The following BHMT variants were observed in gnomAD, a reference collection of about 807,000 sequenced individuals.
The protein encoded by BHMT is betaine--homocysteine S-methyltransferase 1.
In BHMT, 38 loss-of-function variants were observed where a neutral mutation model predicts 49.5. The ratio of observed to expected loss-of-function variants is 0.77; its 90% CI spans 0.59 to 1.01. BHMT has a LOEUF of 1.01. Ranked by LOEUF, BHMT falls within the 50% of genes least tolerant of loss-of-function variation. The probability of loss-of-function intolerance (pLI) is 0.00; values close to 1 mark genes in which losing one functional copy is unlikely to be tolerated. For synonymous variants in BHMT, 166 were observed against 176.3 expected (o/e 0.94, Z 0.46); for missense variants, 426 against 495.7 (o/e 0.86, Z 1.34).
In BHMT at chr5:79,121,239, G is replaced by C; in HGVS notation, c.499G>C (p.Ala167Pro). 1 of 1,614,100 alleles carries C rather than the reference G, an allele frequency of 6.2e-7. No homozygotes were observed. The highest frequency in any genetic ancestry group is 8.5e-7 in the Non-Finnish European group (1 of 1,179,982). The part of the protein sequence containing the change: ...IAEYFEHVEE[A>P]VWAVETLIAS... ...CCAGTATTTTGAACACGTTGAAGAA[G>C]CTGTGTGGGCAGTTGAAACCTTGAT... The change falls in exon 5 of 8, where the codon GCT becomes CCT. Residue 167 changes from alanine (A) to proline (P), a missense_variant. Transcript: ENST00000274353.
rs909058892 is a variant in BHMT, at chr5:79,131,444, G to A, written c.*328G>A. Reference sequence around the variant, plus strand: ...TTGAAGAAGTTGGTAGGCTAGCAAAGAGGATGAGACATGAACTGTCATAAA... The same window carrying A: ...TTGAAGAAGTTGGTAGGCTAGCAAAAAGGATGAGACATGAACTGTCATAAA... On this transcript the variant is annotated 3_prime_UTR_variant, in exon 8 of 8. Transcript: ENST00000274353. 1 of 202,508 alleles carries A rather than the reference G, an allele frequency of 4.9e-6. No homozygotes were observed. The highest frequency in any genetic ancestry group is 2.3e-5 in the African/African-American group (1 of 43,060). The allele number at this position is 202,508 out of a possible 1,614,324, so 12.5% of individuals were successfully genotyped here.
Position 79,111,929 on chromosome 5 carries a change from A to G in BHMT, c.33+11A>G, listed in dbSNP as rs1287077942. 21 of 1,590,672 alleles carry G rather than the reference A, an allele frequency of 1.3e-5. No homozygotes were observed. The highest frequency in any genetic ancestry group is 1.7e-5 in the Non-Finnish European group (20 of 1,168,870). On this transcript the variant is annotated intron_variant, in intron 1 of 7. Coordinates refer to ENST00000274353, the MANE Select transcript of BHMT (RefSeq NM_001713.3). ...AAAAAGGCCAAGAAGGTGAGTCTCC[A>G]GGGGACCCGAGGGCGCTCTCCTTCC...
chr5:79,126,141 A>G lies in BHMT; in HGVS notation c.721A>G (p.Lys241Glu). Residue 241 changes from lysine to glutamate, a missense_variant, in exon 6 of 8, where the codon AAA becomes GAA. Lys to Glu is a moderately conservative substitution (Grantham distance 56). Coordinates refer to ENST00000274353, the MANE Select transcript of BHMT (RefSeq NM_001713.3). The part of the protein sequence containing the change: ...MKEGLEAARL[K>E]AHLMSQPLAY... ...GGAGGGCTTGGAGGCTGCCCGACTG[A>G]AAGCTCACCTGATGAGCCAGCCCTT... The G allele has an allele frequency of 6.2e-7, 1 of 1,613,686 alleles. No individual in the cohort carries two copies.
In BHMT at chr5:79,131,296, A is replaced by G. The variant is rs1305660614; in HGVS notation, c.*180A>G. ...GATAATTTTAAAGTATGTTTTAGAA[A>G]TTTTCTTAGGAGCAAAATAAGTACA... On this transcript the variant is annotated 3_prime_UTR_variant, in exon 8 of 8. Transcript: ENST00000274353. 1.6e-6 allele frequency: 1 copy of G among 634,870 alleles called. No homozygotes were observed. 39.3% of individuals were successfully genotyped at this position (634,870 alleles called of 1,614,324 possible).
Position 79,115,893 on chromosome 5 carries a change from G to A in BHMT, c.160G>A (p.Glu54Lys), listed in dbSNP as rs1756379987. Residue 54 changes from glutamate (E) to lysine (K), a missense_variant, in exon 2 of 8, where the codon GAA becomes AAA. Glu to Lys is a moderately conservative substitution (Grantham distance 56). This residue lies in a region of BHMT where 321 missense variants were observed against 355.9 expected (regional missense o/e 0.90). Transcript: ENST00000274353. The part of the protein sequence containing the change: ...WTPEAAVEHP[E>K]AVRQLHREFL... ...TCCTGAAGCTGCTGTGGAGCACCCA[G>A]AAGCAGGTTGGTGCAGAGCTCTATT... 6.2e-7 allele frequency: 1 copy of A among 1,613,272 alleles called. No individual in the cohort carries two copies. Among genetic ancestry groups the A allele is most frequent in the Non-Finnish European group, 8.5e-7 (1 of 1,179,636 alleles).
At chr5:79,116,977 C>T (rs1756395141) in intron 2 of BHMT, among the ~76,000 whole-genome samples, 1 of 152,178 alleles carries the variant, frequency 6.6e-6, no homozygotes, top group African/African-American at 2.4e-5. Flanking sequence ...CCAGTGGAAG[C>T]AGCTTTAATT....
At position 79,127,946 on chromosome 5, in the gene BHMT, G is replaced by T; in HGVS notation, c.1000G>T (p.Gly334Cys). 1.2e-6 allele frequency: 2 copies of T among 1,613,908 alleles called. No homozygotes were observed. Among genetic ancestry groups the T allele is most frequent in the Non-Finnish European group, 1.7e-6 (2 of 1,179,914 alleles). Residue 334 changes from glycine (G) to cysteine (C), a missense_variant, in exon 7 of 8, where the codon GGT becomes TGT. Transcript: ENST00000274353. The stretch of plus-strand genomic sequence containing the variant: ...AGAAAAACATGGCAGCTGGGGAAGT[G>T]GTTTGGACATGCACACCAAACCCTG... ...ASEKHGSWGS[G>C]LDMHTKPWVR...
rs138452957 is a variant in BHMT at position 79,126,906 on chromosome 5, T to C, written c.808+678T>C. ...GGGGCAGAGCATGCCCAGCCTCCTA[T>C]TTCCTTCTAAGGTCTTTACACCCTA... On this transcript the variant is annotated intron_variant, in intron 6 of 7. Transcript: ENST00000274353. Among the ~76,000 whole-genome samples the C allele has an allele frequency of 5.5e-3, 835 of 152,156 alleles. 6 individuals are homozygous for C. Among genetic ancestry groups the C allele is most frequent in the Non-Finnish European group, 9.2e-3 (625 of 68,024 alleles).
Position 79,130,942 on chromosome 5 carries a change from G to C in BHMT, c.1047G>C (p.Lys349Asn). 1 of 1,612,096 alleles carries C rather than the reference G, an allele frequency of 6.2e-7. No homozygotes were observed. Among genetic ancestry groups the C allele is most frequent in the Non-Finnish European group, 8.5e-7 (1 of 1,179,172 alleles). ...TKPWVRARAR[K>N]EYWENLRIAS... is the part of the protein sequence containing the mutation. ...TGTTTTGTTCACACAGGGCCAGGAA[G>C]GAATACTGGGAGAATCTTCGGATAG... Residue 349 changes from lysine to asparagine, a missense_variant, in exon 8 of 8, where the codon AAG becomes AAC. Lys to Asn is a moderately conservative substitution (Grantham distance 94). This residue lies in a region of BHMT where 73 missense variants were observed against 68.3 expected (regional missense o/e 1.07). Transcript: ENST00000274353.
chr5:79,119,416 G>A, intron 3 of BHMT, 39 bp downstream of exon 3: 1 of 1,514,704 alleles, frequency 6.6e-7, no homozygotes, highest in Non-Finnish European at 9.1e-7. Context: ...GAAGGATATT[G>A]TCGACCTATT....
At position 79,121,168 on chromosome 5, in the gene BHMT, T is replaced by C. The variant is rs776001620; in HGVS notation, c.478-50T>C. The C allele has an allele frequency of 2.6e-6, 4 of 1,568,302 alleles. No homozygotes were observed. In the Admixed American group the frequency reaches 5.7e-5, roughly 22 times the overall value. On this transcript the variant is annotated intron_variant, in intron 4 of 7. Coordinates refer to ENST00000274353, the MANE Select transcript of BHMT (RefSeq NM_001713.3). The stretch of plus-strand genomic sequence containing the variant: ...TCCGTCTCAAAAAAAAAAAAAAAAT[T>C]GTTTTGGGAGAAACGAGATTAAAAG...
In BHMT at chr5:79,120,460, G is replaced by C. The variant is rs771838936; in HGVS notation, c.396G>C (p.Lys132Asn). The C allele has an allele frequency of 1.2e-6, 2 of 1,614,158 alleles. No individual in the cohort carries two copies. Among genetic ancestry groups the C allele is most frequent in the South Asian group, 1.1e-5 (1 of 91,066 alleles). ...VSQTPSYLSCKSETEVKKVFL... is the reference protein window; with the variant it reads ...VSQTPSYLSCNSETEVKKVFL... ...AGACACCTTCATACCTTAGCTGCAAGAGTGAAACTGAAGTCAAAAAAGTAT... is the reference window on the plus strand; with the variant it reads ...AGACACCTTCATACCTTAGCTGCAACAGTGAAACTGAAGTCAAAAAAGTAT... Residue 132 changes from lysine to asparagine, a missense_variant, in exon 4 of 8, where the codon AAG (lysine) becomes AAC (asparagine). By Grantham distance (94) the Lys-to-Asn change is moderately conservative (BLOSUM62 0). Transcript: ENST00000274353.
intron 6 of BHMT, among the ~76,000 whole-genome samples, chr5:79,127,046 C>T (rs1371523036): frequency 1.3e-5 from 2 of 152,188 alleles, no homozygotes; most frequent in African/African-American, 4.8e-5. Context: ...CTGTATAACA[C>T]ATTAAATTAA....
At chr5:79,124,808 A>G (rs1029751688) in intron 5 of BHMT, among the ~76,000 whole-genome samples, 1 of 152,254 alleles carries the variant, frequency 6.6e-6, no homozygotes, top group African/African-American at 2.4e-5. Context: ...GCTTGTCAAA[A>G]TGATTGATAG....
chr5:79,118,213 C>T lies in BHMT; in HGVS notation c.167-1046C>T, dbSNP rs113914070. 1.0e-3 allele frequency among the ~76,000 whole-genome samples: 156 copies of T among 152,294 alleles called. 1 individual carries two copies. The highest frequency in any genetic ancestry group is 3.7e-3 in the African/African-American group (155 of 41,546). On this transcript the variant is annotated intron_variant, in intron 2 of 7. Coordinates refer to ENST00000274353, the MANE Select transcript of BHMT (RefSeq NM_001713.3). The stretch of plus-strand genomic sequence containing the variant: ...CATTTGGAGGCCTCACGCCTGTAAT[C>T]CTAGCACTTTGGGAGGCTGAGGTGG...
intron 7 of BHMT, 151 bp from the exon 8 acceptor site, chr5:79,130,782 G>A: frequency 2.0e-6 from 1 of 507,332 alleles, no homozygotes; most frequent in Non-Finnish European, 2.8e-6. Flanking sequence ...GGCTGAGATT[G>A]ACACCTTTGC....
At chr5:79,120,218 C>T (rs932659680) in intron 3 of BHMT, 132 bp from the exon 4 acceptor site, 2 of 879,194 alleles carry the variant, frequency 2.3e-6, no homozygotes, top group African/African-American at 1.7e-5. Context: ...AAGCTTTGAA[C>T]TATTCCATAA....
chr5:79,125,964 C>A, intron 5 of BHMT, 82 bp from the exon 6 acceptor site: 1 of 1,421,956 alleles, frequency 7.0e-7, no homozygotes, highest in Non-Finnish European at 9.6e-7. Context: ...AAAGAACTTC[C>A]TGATTCCTGA....
intron 7 of BHMT, 189 bp downstream of exon 7, chr5:79,128,172 T>C (rs1408924572): frequency 4.2e-5 from 34 of 801,098 alleles, no homozygotes; most frequent in Non-Finnish European, 6.4e-5. Flanking sequence ...ATATAGAACG[T>C]ATTTGACCTG....
Sources: allele counts gnomAD v4.1 joint callset (sites outside exome capture counted in the v4.1 genomes callset), GRCh38; gene constraint gnomAD v4.1.1; regional missense constraint gnomAD v4.1.1; transcripts MANE v1.5; gene names NCBI Gene and HGNC (gene_info 2026-07-23, HGNC 2026-07-21).